Variants in VPS35L observed in about 807,000 individuals in gnomAD.
The protein encoded by VPS35L is VPS35 endosomal protein-sorting factor-like.
A neutral mutation model predicts 133.0 loss-of-function variants in VPS35L; 83 were observed. The ratio of observed to expected loss-of-function variants is 0.62; its 90% confidence interval spans 0.52 to 0.75. VPS35L has a LOEUF of 0.75. Among genes scored for constraint, VPS35L ranks in the 30% least tolerant of loss-of-function variants. The probability of loss-of-function intolerance (pLI) is 0.00; values close to 1 mark genes in which losing one functional copy is unlikely to be tolerated. For missense variants in VPS35L, 1,083 were observed against 1,206.8 expected (o/e 0.90, Z 1.52); for synonymous variants, 423 against 449.9 (o/e 0.94, Z 0.76).
At chr16:19,695,615 A>G (rs1975878822) in intron 29 of VPS35L, among the ~76,000 whole-genome samples, 1 of 151,858 alleles carries the variant, frequency 6.6e-6, no homozygotes, top group Non-Finnish European at 1.5e-5. Flanking sequence ...GGAGTTTGAG[A>G]CCAGCCTGGG....
chr16:19,597,234 G>A (rs543030683), intron 8 of VPS35L, among the ~76,000 whole-genome samples: 11 of 151,954 alleles, frequency 7.2e-5, no homozygotes, highest in Non-Finnish European at 1.5e-4. Flanking sequence ...AGCTAGGTTT[G>A]GTGGTACAAG....
chr16:19,595,180 G>A (rs1024353103), intron 8 of VPS35L, among the ~76,000 whole-genome samples: 5 of 152,174 alleles, frequency 3.3e-5, no homozygotes, highest in African/African-American at 4.8e-5. Flanking sequence ...GGCCACCAGA[G>A]GGTGTTGAGC....
chr16:19,601,146 C>G (rs1170196431), intron 8 of VPS35L, among the ~76,000 whole-genome samples: 2 of 152,202 alleles, frequency 1.3e-5, no homozygotes, highest in Non-Finnish European at 2.9e-5. Flanking sequence ...CCAGGCTGCT[C>G]TTGAACTCCT....
In VPS35L at chr16:19,564,501, C is replaced by T. The variant is rs543720733; in HGVS notation, c.18-350C>T. On this transcript the variant is annotated intron_variant, in intron 1 of 30. Coordinates refer to ENST00000417362, the MANE Select transcript of VPS35L (RefSeq NM_020314.7). ...GTGACCTCCACCTCCCAGGTTCAAG[C>T]GATTCTTCTGCGTCAGCCTCCCAAG... is the stretch of plus-strand genomic sequence containing the variant. Among the ~76,000 whole-genome samples, 61 of 152,162 alleles carry T rather than the reference C, an allele frequency of 4.0e-4. No individual in the cohort carries two copies. In the East Asian group the frequency reaches 7.8e-3, roughly 19 times the overall value.
intron 28 of VPS35L, among the ~76,000 whole-genome samples, chr16:19,690,560 G>A (rs1029748837): frequency 4.6e-5 from 7 of 152,234 alleles, no homozygotes; most frequent in African/African-American, 1.7e-4. Flanking sequence ...GCAGCTGGAT[G>A]CGGTAGCTAA....
chr16:19,674,968 T>TTTTA (rs1975013591), intron 27 of VPS35L, among the ~76,000 whole-genome samples: 1 of 151,606 alleles, frequency 6.6e-6, no homozygotes, highest in Non-Finnish European at 1.5e-5. Flanking sequence ...TTTTTTTTTT[T>TTTTA]GAGACAGGAT....
At chr16:19,686,217 C>T (rs2151621610) in intron 28 of VPS35L, among the ~76,000 whole-genome samples, 1 of 152,262 alleles carries the variant, frequency 6.6e-6, no homozygotes, top group South Asian at 2.1e-4. Flanking sequence ...TTCACTTCCT[C>T]ATTCTAGGGA....
chr16:19,564,903 G>C lies in VPS35L; in HGVS notation c.70G>C (p.Ala24Pro). Residue 24 changes from alanine (A) to proline (P), a missense_variant, in exon 2 of 31, where the codon GCT becomes CCT. By Grantham distance (27) the Ala-to-Pro change is conservative. Coordinates refer to ENST00000417362, the MANE Select transcript of VPS35L (RefSeq NM_020314.7). ...TGAATTTGCATCATGCCGACTGGAGGCTGTACCATTGGAGTTTGGGGACTA... is the reference window on the plus strand; with the variant it reads ...TGAATTTGCATCATGCCGACTGGAGCCTGTACCATTGGAGTTTGGGGACTA... Reference protein sequence around the residue: ...KAEFASCRLEAVPLEFGDYHP... With the variant: ...KAEFASCRLEPVPLEFGDYHP... 5 of 1,613,674 alleles carry C rather than the reference G, an allele frequency of 3.1e-6. No homozygotes were observed. The highest frequency in any genetic ancestry group is 4.2e-6 in the Non-Finnish European group (5 of 1,179,698).
chr16:19,572,922 ACCTTGG>A (rs1292550999), intron 3 of VPS35L, among the ~76,000 whole-genome samples, 191 bp from the exon 4 acceptor site: 2 of 152,090 alleles, frequency 1.3e-5, no homozygotes, highest in Non-Finnish European at 2.9e-5. Flanking sequence ...TGATCCGTCC[ACCTTGG>A]CCTCCCAAAG....
chr16:19,556,753 G>A (rs907734175), intron 1 of VPS35L, among the ~76,000 whole-genome samples: 5 of 151,042 alleles, frequency 3.3e-5, no homozygotes, highest in African/African-American at 1.2e-4. Flanking sequence ...TTAAGAGACT[G>A]CTTCCTTGAC....
intron 27 of VPS35L, among the ~76,000 whole-genome samples, chr16:19,674,728 C>T (rs566076055): frequency 6.6e-6 from 1 of 152,190 alleles, no homozygotes; most frequent in African/African-American, 2.4e-5. Flanking sequence ...CCCCTACCCC[C>T]ACCCCCTGCA....
chr16:19,674,070 A>G (rs1413017105), intron 27 of VPS35L, among the ~76,000 whole-genome samples: 1 of 152,010 alleles, frequency 6.6e-6, no homozygotes, highest in African/African-American at 2.4e-5. Flanking sequence ...TAAGAGCTGA[A>G]TAAACTCTCA....
In VPS35L at chr16:19,639,346, TCTA is replaced by T. The variant is rs1327847357; in HGVS notation, c.1699-666_1699-664del. Among the ~76,000 whole-genome samples, 89 of 152,198 alleles carry T rather than the reference TCTA, an allele frequency of 5.8e-4. 1 individual carries two copies. The East Asian group carries it at 0.017, about 29-fold the overall frequency. Reference sequence around the variant, plus strand: ...AATTTCGAGGCCATCTGTGAACAGCTCTACTCTGACTCTTCTTCCATTGCTCAT... The same window carrying T: ...AATTTCGAGGCCATCTGTGAACAGCTCTCTGACTCTTCTTCCATTGCTCAT... On this transcript the variant is annotated intron_variant, in intron 20 of 30. Coordinates refer to ENST00000417362, the MANE Select transcript of VPS35L (RefSeq NM_020314.7). The surrounding 1 kb of genome is among the most constrained non-coding windows in gnomAD (Gnocchi z 4.1).
chr16:19,606,212 C>A (rs1034829034), intron 9 of VPS35L, among the ~76,000 whole-genome samples: 1 of 152,178 alleles, frequency 6.6e-6, no homozygotes, highest in Non-Finnish European at 1.5e-5. Context: ...AATCTCAGTT[C>A]CTTCAGCTAG....
At chr16:19,642,598 AGATTTTT>A in intron 22 of VPS35L, 122 bp downstream of exon 22, 1 of 815,720 alleles carries the variant, frequency 1.2e-6, no homozygotes, top group South Asian at 2.7e-5. Context: ...GGGAGTATTA[AGATTTTT>A]GCTAACGAGG....
chr16:19,567,991 T>TCTTCA (rs921814187), intron 2 of VPS35L, among the ~76,000 whole-genome samples: 1 of 149,722 alleles, frequency 6.7e-6, no homozygotes, highest in African/African-American at 2.5e-5. Flanking sequence ...AAAAAAGACA[T>TCTTCA]CTTCACTTCA....
At chr16:19,581,694 A>G (rs771239635) in intron 7 of VPS35L, 41 bp downstream of exon 7, 5 of 1,562,410 alleles carry the variant, frequency 3.2e-6, no homozygotes, top group South Asian at 2.3e-5. Context: ...AGAATTTCCT[A>G]TGTAAAATTC....
intron 2 of VPS35L, among the ~76,000 whole-genome samples, chr16:19,566,770 G>A (rs1187248478): frequency 6.9e-6 from 1 of 145,460 alleles, no homozygotes; most frequent in South Asian, 2.3e-4. Context: ...TCTTTTTTTT[G>A]AGACAGAGTT....
intron 24 of VPS35L, among the ~76,000 whole-genome samples, chr16:19,649,439 T>G (rs879608041): frequency 9.2e-5 from 14 of 152,262 alleles, no homozygotes; most frequent in Admixed American, 9.2e-4. Flanking sequence ...GCACAGCGAT[T>G]AAACTTGCTT....
Sources: gnomAD v4.1 joint callset for allele counts (sites outside exome capture counted in the v4.1 genomes callset) on GRCh38, gnomAD v4.1.1 for gene constraint, Gnocchi (gnomAD v3.1) non-coding constraint, MANE v1.5 for transcripts, NCBI Gene and HGNC (gene_info 2026-07-23, HGNC 2026-07-21) for gene names.